The following VPS13C variants were observed in gnomAD, a reference collection of about 807,000 sequenced individuals.
VPS13C encodes the protein vacuolar protein sorting 13 homolog C.
Under a neutral mutation model 456.8 loss-of-function variants are expected in VPS13C, and 358 were observed. That is an observed-to-expected ratio of 0.78 (90% CI 0.72 to 0.86). The LOEUF is 0.86. VPS13C is among the 40% of genes least tolerant of loss of function. VPS13C has a pLI of 0.00. For missense variants in VPS13C, 4,818 were observed against 4,385.4 expected, an observed-to-expected ratio of 1.10 and a Z score of -2.79; for synonymous variants, 1,578 against 1,486.7, an observed-to-expected ratio of 1.06 and a Z score of -1.41.
intron 16 of VPS13C, among the ~76,000 whole-genome samples, chr15:61,999,390 AAAAG>A (rs2046515656): frequency 1.3e-5 from 2 of 151,972 alleles, no homozygotes; most frequent in South Asian, 4.2e-4. Flanking sequence ...AAAAAAAAAA[AAAAG>A]AGAGAGAGAG....
rs183298237 is a variant in VPS13C, at chr15:61,916,049, T to A, written c.8056-27A>T. 321 of 1,527,674 alleles carry A rather than the reference T, an allele frequency of 2.1e-4. 1 individual carries two copies. The African/African-American group carries it at 3.7e-3, about 18-fold the overall frequency. 94.6% of individuals were successfully genotyped at this position (1,527,674 alleles called of 1,614,324 possible). On this transcript the variant is annotated intron_variant, in intron 60 of 84. Transcript: ENST00000644861. ...TAAAAACAAACAAAAATTCGCTGAG[T>A]AACTTTTTAAAAACTCTGAAATAAC...
intron 27 of VPS13C, among the ~76,000 whole-genome samples, chr15:61,970,144 G>A (rs2045503359): frequency 1.3e-5 from 2 of 152,260 alleles, no homozygotes; most frequent in South Asian, 2.1e-4. Flanking sequence ...TTACCATGCT[G>A]AGAGGCCATA....
At chr15:61,879,505 T>A (rs1413467918) in intron 73 of VPS13C, 1 of 152,062 alleles carries the variant, frequency 6.6e-6, no homozygotes, top group East Asian at 1.9e-4. Flanking sequence ...TAAACATTAA[T>A]CCAGCCCTTC....
rs779548669 is a variant in VPS13C at position 61,974,391 on chromosome 15, A to C, written c.2435T>G (p.Leu812Trp). ...CTGGTCAGAAATTCTCACATGCATC[A>C]AAGGAAGTCCTCCTGACACTTTAAA... ...ARFKVSGGLPLMHVRISDQKM... is the reference protein window; with the variant it reads ...ARFKVSGGLPWMHVRISDQKM... The change falls in exon 25 of 85, where the codon TTG becomes TGG. Residue 812 changes from leucine (L) to tryptophan (W), a missense_variant. Physicochemically the swap from Leu to Trp is moderately conservative, Grantham distance 61 (BLOSUM62 -2). Coordinates refer to ENST00000644861, the MANE Select transcript of VPS13C (RefSeq NM_020821.3). The C allele has an allele frequency of 6.2e-7, 1 of 1,612,522 alleles. No individual in the cohort carries two copies. The highest frequency in any genetic ancestry group is 1.1e-5 in the South Asian group (1 of 91,026).
chr15:61,863,301 TATGA>T, intron 82 of VPS13C, 135 bp downstream of exon 82: 1 of 615,534 alleles, frequency 1.6e-6, no homozygotes, highest in Middle Eastern at 2.9e-4. Flanking sequence ...ATTGTGATTC[TATGA>T]AAATGAACAT....
chr15:61,908,128 A>G (rs2043201797), intron 65 of VPS13C, among the ~76,000 whole-genome samples: 1 of 152,204 alleles, frequency 6.6e-6, no homozygotes, highest in Non-Finnish European at 1.5e-5. Flanking sequence ...AGGAGATTTT[A>G]AAATTGATTA....
At position 61,926,734 on chromosome 15, in the gene VPS13C, A is replaced by G. The variant is rs554609201; in HGVS notation, c.6516+357T>C. On this transcript the variant is annotated intron_variant, in intron 52 of 84. Transcript: ENST00000644861. ...CACCGCTTTTGGCGAAGTGACTCCA[A>G]TTTAATTTTTTTCATTCTAAGCCTA... 9.2e-5 allele frequency among the ~76,000 whole-genome samples: 14 copies of G among 152,338 alleles called. No individual in the cohort carries two copies. In the East Asian group the frequency reaches 1.7e-3, roughly 19 times the overall value.
rs761958124 is a variant in VPS13C, at chr15:62,023,806, G to T, written c.488C>A (p.Pro163His). 5.0e-6 allele frequency: 8 copies of T among 1,610,446 alleles called. No individual in the cohort carries two copies. The highest frequency in any genetic ancestry group is 5.9e-6 in the Non-Finnish European group (7 of 1,178,016). ...RKKHKKHFKK[P>H]FKGLDRSKDK... ...TTTTGAACGATCAAGACCTTTAAAA[G>T]GTTTCTTAAAATGTTTTTTGTGCTT... The change falls in exon 7 of 85, where the codon CCT (proline) becomes CAT (histidine). Residue 163 changes from proline (P) to histidine (H), a missense_variant. Physicochemically the swap from Pro to His is moderately conservative, Grantham distance 77. Around this residue, in one of 3 missense-constraint regions of VPS13C, gnomAD observed 4,552 missense variants for 4,130.6 expected, o/e 1.10. Transcript: ENST00000644861.
At chr15:61,874,216 T>C (rs947967439) in intron 77 of VPS13C, among the ~76,000 whole-genome samples, 2 of 152,018 alleles carry the variant, frequency 1.3e-5, no homozygotes, top group African/African-American at 4.8e-5. Context: ...GATTGGTTAA[T>C]GGATACAACA....
chr15:61,867,536 A>T lies in VPS13C; in HGVS notation c.10863+1123T>A. 2 of 1,003,018 alleles carry T rather than the reference A, an allele frequency of 2.0e-6. No homozygotes were observed. Among genetic ancestry groups the T allele is most frequent in the Non-Finnish European group, 2.4e-6 (2 of 842,272 alleles). The allele number at this position is 1,003,018 out of a possible 1,614,324, so 62.1% of individuals were successfully genotyped here. On this transcript the variant is annotated intron_variant, in intron 81 of 84. Coordinates refer to ENST00000644861, the MANE Select transcript of VPS13C (RefSeq NM_020821.3). This position sits in a 1 kb window ranked among gnomAD's most constrained non-coding sequence, Gnocchi z 5.0. ...AATTCCATCATCAAGACTCACAAAC[A>T]TAAACATATTAATTGGACATAATAA...
At chr15:61,999,679 C>T (rs11071648) in intron 16 of VPS13C, among the ~76,000 whole-genome samples, 86,720 of 151,612 alleles carry the variant, frequency 0.57, 24,964 homozygotes, top group Admixed American at 0.64. Flanking sequence ...TTTTTTTCAT[C>T]ACCAAAAAGT....
At chr15:61,879,248 A>C (rs1196160353) in intron 73 of VPS13C, 1 of 152,830 alleles carries the variant, frequency 6.5e-6, no homozygotes, top group East Asian at 1.9e-4. Context: ...CTTTGAACTG[A>C]ACCATCATTA....
In VPS13C at chr15:61,964,919, C is replaced by G. The variant is rs1336475638; in HGVS notation, c.3052-58G>C. 9.5e-6 allele frequency: 14 copies of G among 1,472,192 alleles called. 1 individual carries two copies. Among genetic ancestry groups the G allele is most frequent in the Admixed American group, 9.0e-5 (4 of 44,592 alleles). 91.2% of individuals were successfully genotyped at this position (1,472,192 alleles called of 1,614,324 possible). A position where few individuals can be genotyped will look rare whatever the true frequency, so the allele number is the denominator to read the frequency against. On this transcript the variant is annotated intron_variant, in intron 30 of 84. Transcript: ENST00000644861. ...CACAGCCAATTATAACCTGTAGTCTCCACGACAGACCCAAAAGATTCTCAG... is the reference window on the plus strand; with the variant it reads ...CACAGCCAATTATAACCTGTAGTCTGCACGACAGACCCAAAAGATTCTCAG...
At chr15:62,017,202 T>A (rs1215207447) in intron 9 of VPS13C, among the ~76,000 whole-genome samples, 1 of 151,940 alleles carries the variant, frequency 6.6e-6, no homozygotes, top group South Asian at 2.1e-4. Context: ...GTCAGATGAG[T>A]AGGTTGCAAA....
intron 3 of VPS13C, among the ~76,000 whole-genome samples, chr15:62,037,455 TA>T (rs1355746956): frequency 4.7e-4 from 60 of 127,718 alleles, no homozygotes; most frequent in Non-Finnish European, 6.0e-4. Flanking sequence ...AATAAATATA[TA>T]AATATAATAT....
intron 11 of VPS13C, 38 bp downstream of exon 11, chr15:62,013,001 G>T: frequency 6.6e-7 from 1 of 1,510,344 alleles, no homozygotes; most frequent in Non-Finnish European, 9.1e-7. Context: ...TTAGGGATGG[G>T]AGTGAAGTTA....
At chr15:61,914,599 G>A (rs113872576) in intron 61 of VPS13C, among the ~76,000 whole-genome samples, 4,117 of 150,948 alleles carry the variant, frequency 0.027, 213 homozygotes, top group African/African-American at 0.094. Flanking sequence ...TCACTCTATC[G>A]CCCAGGCTGG....
intron 66 of VPS13C, among the ~76,000 whole-genome samples, chr15:61,896,428 G>A (rs1450808241): frequency 1.3e-5 from 2 of 152,220 alleles, no homozygotes; most frequent in Admixed American, 1.3e-4. Flanking sequence ...GTGAGGCATT[G>A]CCTCACTCGG....
intron 58 of VPS13C, among the ~76,000 whole-genome samples, chr15:61,918,850 C>A (rs891105702): frequency 6.6e-6 from 1 of 152,008 alleles, no homozygotes. Context: ...AATATTTACA[C>A]AGATTAAGAT....
Sources: allele counts gnomAD v4.1 joint callset (sites outside exome capture counted in the v4.1 genomes callset), GRCh38; gene constraint gnomAD v4.1.1; regional missense constraint gnomAD v4.1.1; non-coding constraint Gnocchi (gnomAD v3.1); transcripts MANE v1.5; gene names NCBI Gene and HGNC (gene_info 2026-07-23, HGNC 2026-07-21).